RPS6KA4: variants seen among roughly 807,000 people sequenced by gnomAD.
RPS6KA4 encodes ribosomal protein S6 kinase A4.
In RPS6KA4, 38 loss-of-function variants were observed where a neutral mutation model predicts 89.6. The observed-to-expected ratio is 0.42, with a 90% CI of 0.33 to 0.56. The LOEUF is 0.56. Among genes scored for constraint, RPS6KA4 ranks in the 20% least tolerant of loss-of-function variants. The pLI, the probability that RPS6KA4 is intolerant of heterozygous loss-of-function variation, is 0.07. For synonymous variants in RPS6KA4, 495 were observed against 492.8 expected (o/e 1.00, Z -0.06); for missense variants, 873 against 1,098.8 (o/e 0.79, Z 2.90).
At chr11:64,365,592 C>G in intron 9 of RPS6KA4, 127 bp downstream of exon 9, 1 of 985,988 alleles carries the variant, frequency 1.0e-6, no homozygotes, top group Non-Finnish European at 1.5e-6. Flanking sequence ...CTCCCCTAGA[C>G]GTCGCCACTT....
At position 64,361,418 on chromosome 11, in the gene RPS6KA4, T is replaced by C. The variant is rs1481530682; in HGVS notation, c.571-51T>C. 1.0e-5 allele frequency: 16 copies of C among 1,600,328 alleles called. No homozygotes were observed. Among genetic ancestry groups the C allele is most frequent in the Non-Finnish European group, 3.4e-6 (4 of 1,168,780 alleles). On this transcript the variant is annotated intron_variant, in intron 5 of 16. Transcript: ENST00000334205. The surrounding 1 kb of genome is among the most constrained non-coding windows in gnomAD (Gnocchi z 4.7). Reference sequence around the variant, plus strand: ...TCTTACTCTGGGCCTTGTGGGGCACTGGGGCACAGGAGAGGTTTCGACATC... The same window carrying C: ...TCTTACTCTGGGCCTTGTGGGGCACCGGGGCACAGGAGAGGTTTCGACATC...
In RPS6KA4 at chr11:64,361,945, G is replaced by A; in HGVS notation, c.849G>A (p.Lys283=). ...LQRLLCKDPK[K]RLGAGPQGAQ... ...GGCTGCTTTGTAAGGATCCTAAGAA[G>A]CGATTGGGCGCGGGGCCCCAGGGGG... is the stretch of plus-strand genomic sequence containing the variant. The change falls in exon 8 of 17, where the codon AAG becomes AAA. Residue 283 remains lysine (K), a synonymous_variant. Transcript: ENST00000334205. This position sits in a 1 kb window ranked among gnomAD's most constrained non-coding sequence, Gnocchi z 4.7. The A allele has an allele frequency of 1.2e-6, 2 of 1,610,664 alleles. No individual in the cohort carries two copies. Among genetic ancestry groups the A allele is most frequent in the Non-Finnish European group, 1.7e-6 (2 of 1,179,140 alleles).
At position 64,371,529 on chromosome 11, in the gene RPS6KA4, C is replaced by T. The variant is rs764173625; in HGVS notation, c.*49C>T. 2.1e-5 allele frequency: 16 copies of T among 751,838 alleles called. No homozygotes were observed. Among genetic ancestry groups the T allele is most frequent in the Admixed American group, 1.0e-4 (4 of 38,488 alleles). 46.6% of individuals were successfully genotyped at this position (751,838 alleles called of 1,614,324 possible). On this transcript the variant is annotated 3_prime_UTR_variant, in exon 17 of 17. Coordinates refer to ENST00000334205, the MANE Select transcript of RPS6KA4 (RefSeq NM_003942.3). ...CCTCATAGGGGCTGTGACCTGGGAG[C>T]CCGGCTCACTCCCGGAGGCCTCTGC...
At chr11:64,366,580 C>A (rs2036891077) in intron 9 of RPS6KA4, among the ~76,000 whole-genome samples, 1 of 152,218 alleles carries the variant, frequency 6.6e-6, no homozygotes, top group Non-Finnish European at 1.5e-5. Flanking sequence ...AGCCTCAGTT[C>A]TCATCATTTT....
rs1351034436 is a variant in RPS6KA4, at chr11:64,368,628, G to T, written c.1334+27G>T. 5.7e-6 allele frequency: 9 copies of T among 1,586,200 alleles called. No homozygotes were observed. The East Asian group carries it at 2.0e-4, about 36-fold the overall frequency. The stretch of plus-strand genomic sequence containing the variant: ...TGGGAGGGCCCAGGCGCGGGCAGGG[G>T]TGGGGGTGGCAGAGCGCTGTCCCGG... On this transcript the variant is annotated intron_variant, in intron 11 of 16. Coordinates refer to ENST00000334205, the MANE Select transcript of RPS6KA4 (RefSeq NM_003942.3).
intron 2 of RPS6KA4, chr11:64,359,732 T>G: frequency 1.8e-6 from 1 of 552,790 alleles, no homozygotes. Context: ...GTGATTTGCA[T>G]AGCTCCTCCC....
intron 4 of RPS6KA4, 108 bp downstream of exon 4, chr11:64,360,700 G>A: frequency 1.0e-6 from 1 of 953,056 alleles, no homozygotes; most frequent in South Asian, 1.6e-5. Context: ...TTCCTGGGGG[G>A]CCAGTGGTGA....
chr11:64,369,869 C>T lies in RPS6KA4; in HGVS notation c.1773C>T (p.Asp591=). ...LAQQGYDESC[D]LWSLGVILYM... is the part of the protein sequence containing the mutation. ...AGCAGGGCTACGACGAGTCCTGCGACCTCTGGAGCCTGGGCGTCATTCTGG... is the reference window on the plus strand; with the variant it reads ...AGCAGGGCTACGACGAGTCCTGCGATCTCTGGAGCCTGGGCGTCATTCTGG... The change falls in exon 14 of 17, where the codon GAC becomes GAT. Residue 591 remains aspartate, a synonymous_variant. Transcript: ENST00000334205. 1.3e-6 allele frequency: 2 copies of T among 1,553,456 alleles called. No homozygotes were observed. The highest frequency in any genetic ancestry group is 1.2e-5 in the South Asian group (1 of 85,158).
At chr11:64,368,862 A>C in intron 12 of RPS6KA4, 65 bp downstream of exon 12, 2 of 1,365,552 alleles carry the variant, frequency 1.5e-6, no homozygotes, top group Non-Finnish European at 2.0e-6. Context: ...TGGGGGCACT[A>C]TGGGCGGGAT....
At position 64,368,943 on chromosome 11, in the gene RPS6KA4, G is replaced by T. The variant is rs957462833; in HGVS notation, c.1428+146G>T. The T allele has an allele frequency of 1.7e-5, 13 of 753,510 alleles. No homozygotes were observed. The East Asian group carries it at 3.6e-4, about 21-fold the overall frequency. The allele number at this position is 753,510 out of a possible 1,614,324, so 46.7% of individuals were successfully genotyped here. ...AGGGACCAGGGAGGCGCAGGGAGTG[G>T]AATTTGAGGGGAGTAGGGCCTGAGG... is the stretch of plus-strand genomic sequence containing the variant. On this transcript the variant is annotated intron_variant, in intron 12 of 16. Transcript: ENST00000334205.
In RPS6KA4 at chr11:64,371,448, C is replaced by A. The variant is rs770200186; in HGVS notation, c.2287C>A (p.Arg763Ser). The A allele has an allele frequency of 6.3e-5, 99 of 1,567,246 alleles. No individual in the cohort carries two copies. The highest frequency in any genetic ancestry group is 2.7e-5 in the African/African-American group (2 of 74,138). The change falls in exon 17 of 17, where the codon CGC (arginine) becomes AGC (serine). Residue 763 changes from arginine (R) to serine (S), a missense_variant. Physicochemically the swap from Arg to Ser is moderately radical, Grantham distance 110. Around this residue, in one of 4 missense-constraint regions of RPS6KA4, gnomAD observed 278 missense variants for 284.8 expected, o/e 0.98. Transcript: ENST00000334205. ...CCCCGTCGCCTCCAAAGGGGCCCCCCGCCGAGCCAACGGCCCCCTGCCCCC... is the reference window on the plus strand; with the variant it reads ...CCCCGTCGCCTCCAAAGGGGCCCCCAGCCGAGCCAACGGCCCCCTGCCCCC... The part of the protein sequence containing the change: ...RAPVASKGAP[R>S]RANGPLPPS
In RPS6KA4 at chr11:64,369,851, C is replaced by A; in HGVS notation, c.1755C>A (p.Gly585=). The A allele has an allele frequency of 6.4e-7, 1 of 1,574,794 alleles. No homozygotes were observed. Among genetic ancestry groups the A allele is most frequent in the Non-Finnish European group, 8.6e-7 (1 of 1,161,182 alleles). Residue 585 remains glycine (G), a synonymous_variant, in exon 14 of 17, where the codon GGC becomes GGA. Transcript: ENST00000334205. ...CCCCCGAGCTGCTGGCGCAGCAGGG[C>A]TACGACGAGTCCTGCGACCTCTGGA... ...YAAPELLAQQ[G]YDESCDLWSL...
At chr11:64,368,880 T>G (rs1591318773) in intron 12 of RPS6KA4, 83 bp downstream of exon 12, 2 of 1,294,132 alleles carry the variant, frequency 1.5e-6, no homozygotes, top group Non-Finnish European at 2.1e-6. Context: ...GATCTAGGGG[T>G]GAATTGGGCG....
intron 8 of RPS6KA4, among the ~76,000 whole-genome samples, chr11:64,362,916 C>T (rs1292145341): frequency 2.0e-5 from 3 of 152,180 alleles, no homozygotes; most frequent in East Asian, 1.9e-4. Context: ...AGTGATCCAC[C>T]TGCCTCATCC....
chr11:64,368,657 CG>C, intron 11 of RPS6KA4, 46 bp from the exon 12 acceptor site: 1 of 1,572,034 alleles, frequency 6.4e-7, no homozygotes, highest in Non-Finnish European at 8.6e-7. Context: ...GTCCCGGGGG[CG>C]GGGCCGAAGC....
intron 9 of RPS6KA4, among the ~76,000 whole-genome samples, chr11:64,367,321 T>G (rs1484891392): frequency 6.6e-6 from 1 of 152,110 alleles, no homozygotes; most frequent in Non-Finnish European, 1.5e-5. Flanking sequence ...AATTAATTTT[T>G]TTTTTTGAGA....
Position 64,371,743 on chromosome 11 carries a change from C to A in RPS6KA4, c.*263C>A. On this transcript the variant is annotated 3_prime_UTR_variant, in exon 17 of 17. Transcript: ENST00000334205. ...CTCCCAGGACACTGCCTCTTCTGGG[C>A]AGAAGGCCCCTCCAGGGGGACTGCT... 2.6e-6 allele frequency: 1 copy of A among 384,060 alleles called. No individual in the cohort carries two copies. Among genetic ancestry groups the A allele is most frequent in the Non-Finnish European group, 4.7e-6 (1 of 213,818 alleles). The allele number at this position is 384,060 out of a possible 1,614,324, so 23.8% of individuals were successfully genotyped here.
rs1397337614 is a variant in RPS6KA4 at position 64,371,519 on chromosome 11, G to A, written c.*39G>A. On this transcript the variant is annotated 3_prime_UTR_variant, in exon 17 of 17. Transcript: ENST00000334205. ...GACCCCCTTCCCTCATAGGGGCTGT[G>A]ACCTGGGAGCCCGGCTCACTCCCGG... 1.2e-6 allele frequency: 1 copy of A among 814,742 alleles called. No homozygotes were observed. Among genetic ancestry groups the A allele is most frequent in the East Asian group, 2.7e-5 (1 of 37,494 alleles). 50.5% of individuals were successfully genotyped at this position (814,742 alleles called of 1,614,324 possible). A position where few individuals can be genotyped will look rare whatever the true frequency, so the allele number is the denominator to read the frequency against.
chr11:64,359,833 C>T, intron 2 of RPS6KA4: 1 of 540,458 alleles, frequency 1.9e-6, no homozygotes, highest in Non-Finnish European at 3.3e-6. Context: ...CACACCTCTG[C>T]CTCCCTTCCT....
Sources: gnomAD v4.1 joint callset for allele counts (sites outside exome capture counted in the v4.1 genomes callset) on GRCh38, gnomAD v4.1.1 for gene constraint, gnomAD v4.1.1 regional missense constraint, Gnocchi (gnomAD v3.1) non-coding constraint, MANE v1.5 for transcripts, NCBI Gene and HGNC (gene_info 2026-07-23, HGNC 2026-07-21) for gene names.